MYPN: variants seen among roughly 807,000 people sequenced by gnomAD.
MYPN encodes myopalladin, also known as sarcomeric protein myopalladin, 145 kDa (MYOP).
A neutral mutation model predicts 129.4 loss-of-function variants in MYPN; 63 were observed. The observed-to-expected ratio is 0.49, with a 90% CI of 0.40 to 0.60. The LOEUF is 0.60. Ranked by LOEUF, MYPN falls within the 20% of genes least tolerant of loss-of-function variation. The pLI is 0.00. For missense variants in MYPN, 1,596 were observed against 1,635.4 expected (o/e 0.98, Z 0.42); for synonymous variants, 629 against 600.9 (o/e 1.05, Z -0.68).
At chr10:68,124,946 G>A (rs2042303016) in intron 2 of MYPN, among the ~76,000 whole-genome samples, 1 of 152,118 alleles carries the variant, frequency 6.6e-6, no homozygotes, top group Non-Finnish European at 1.5e-5. Flanking sequence ...GCAGCATCTG[G>A]TCAGTCTAAG....
chr10:68,196,729 C>A (rs1438629594), intron 15 of MYPN, among the ~76,000 whole-genome samples: 1 of 152,136 alleles, frequency 6.6e-6, no homozygotes, highest in East Asian at 1.9e-4. Context: ...AAGCAGTCAA[C>A]CTGCTTCAGC....
intron 17 of MYPN, among the ~76,000 whole-genome samples, chr10:68,199,895 G>T (rs2043681546): frequency 6.6e-6 from 1 of 152,070 alleles, no homozygotes; most frequent in African/African-American, 2.4e-5. Context: ...AACATACTAG[G>T]CTCTTTGTCC....
chr10:68,102,122 C>CT (rs35930233), upstream of MYPN, among the ~76,000 whole-genome samples: 8,723 of 108,408 alleles, frequency 0.08, 889 homozygotes, highest in African/African-American at 0.23. Context: ...TTTCTCTCTC[C>CT]TTTTTTTTTT....
At chr10:68,152,954 GTTATTTTATT>G (rs1182665350) in intron 6 of MYPN, among the ~76,000 whole-genome samples, 51 of 148,790 alleles carry the variant, frequency 3.4e-4, no homozygotes, top group African/African-American at 1.1e-3. Context: ...TTTATTTTAT[GTTATTTTATT>G]TTATTTTATT....
chr10:68,193,468 C>T (rs960599647), intron 13 of MYPN, among the ~76,000 whole-genome samples: 2 of 152,184 alleles, frequency 1.3e-5, no homozygotes, highest in Non-Finnish European at 2.9e-5. Context: ...TTAATATCCA[C>T]AGGGTACCTG....
At chr10:68,179,664 CT>C (rs1458684205) in intron 12 of MYPN, among the ~76,000 whole-genome samples, 1 of 151,962 alleles carries the variant, frequency 6.6e-6, no homozygotes, top group Admixed American at 6.5e-5. Flanking sequence ...AAGATGAAAA[CT>C]TTTTTATTTT....
At chr10:68,154,137 C>T (rs2042826763) in intron 6 of MYPN, among the ~76,000 whole-genome samples, 1 of 152,170 alleles carries the variant, frequency 6.6e-6, no homozygotes, top group African/African-American at 2.4e-5. Flanking sequence ...TTTAGATGCT[C>T]TTTAACTGTG....
intron 10 of MYPN, among the ~76,000 whole-genome samples, chr10:68,172,795 G>A (rs527876745): frequency 1.6e-4 from 25 of 152,262 alleles, no homozygotes; most frequent in African/African-American, 5.1e-4. Flanking sequence ...TGTCAGGGCC[G>A]GGCACGGTGG....
rs553756897 is a variant in MYPN, at chr10:68,139,162, AGAG to A, written c.903-3774_903-3772del. 6.3e-4 allele frequency among the ~76,000 whole-genome samples: 96 copies of A among 152,306 alleles called. 1 individual carries two copies. The Middle Eastern group carries it at 0.01, about 16-fold the overall frequency. On this transcript the variant is annotated intron_variant, in intron 2 of 19. Coordinates refer to ENST00000358913, the MANE Select transcript of MYPN (RefSeq NM_032578.4). ...CCGGGACATTCACTAACGGCTCAGAAGAGGAGAAGTGACCTAGTGGGGAGATCT... is the reference window on the plus strand; with the variant it reads ...CCGGGACATTCACTAACGGCTCAGAAGAGAAGTGACCTAGTGGGGAGATCT...
intron 12 of MYPN, among the ~76,000 whole-genome samples, chr10:68,182,452 CAT>C (rs200132334): frequency 0.055 from 6,405 of 116,182 alleles, 582 homozygotes; most frequent in Middle Eastern, 0.095. Context: ...ATATATATAA[CAT>C]ATATATATAA....
chr10:68,211,346 CT>C lies in MYPN; in HGVS notation c.*894del. The C allele has an allele frequency of 4.4e-6, 2 of 453,048 alleles. No individual in the cohort carries two copies. The highest frequency in any genetic ancestry group is 8.8e-6 in the Non-Finnish European group (2 of 226,546). The allele number at this position is 453,048 out of a possible 1,614,324, so 28.1% of individuals were successfully genotyped here. On this transcript the variant is annotated 3_prime_UTR_variant, in exon 20 of 20. Transcript: ENST00000358913. ...AAATACACCTCATGGGCTCCTACCCCTTTCCCCAAAAGTCTGAAAGTGTAGG... is the reference window on the plus strand; with the variant it reads ...AAATACACCTCATGGGCTCCTACCCCTTCCCCAAAAGTCTGAAAGTGTAGG...
intron 10 of MYPN, among the ~76,000 whole-genome samples, chr10:68,170,361 C>T (rs950321734): frequency 1.3e-5 from 2 of 152,058 alleles, no homozygotes; most frequent in Admixed American, 6.6e-5. Flanking sequence ...TATTCTTTGC[C>T]TTCCTTTTCT....
chr10:68,207,350 T>C (rs1351970437), intron 19 of MYPN, among the ~76,000 whole-genome samples: 1 of 152,216 alleles, frequency 6.6e-6, no homozygotes, highest in Non-Finnish European at 1.5e-5. Context: ...AGATAGATTT[T>C]AAAAGTCATC....
intron 4 of MYPN, among the ~76,000 whole-genome samples, chr10:68,146,324 C>A (rs1345201511): frequency 6.6e-6 from 1 of 152,124 alleles, no homozygotes; most frequent in Non-Finnish European, 1.5e-5. Context: ...CTAGCAAACT[C>A]TTATTTGTCC....
intron 19 of MYPN, among the ~76,000 whole-genome samples, chr10:68,208,767 C>G (rs922039016): frequency 3.3e-5 from 5 of 152,126 alleles, no homozygotes; most frequent in African/African-American, 1.2e-4. Flanking sequence ...AGGACTTGGG[C>G]TGGAATCGAT....
intron 12 of MYPN, among the ~76,000 whole-genome samples, chr10:68,182,371 A>C (rs538579022): frequency 6.9e-5 from 7 of 101,854 alleles, no homozygotes; most frequent in African/African-American, 2.2e-4. Flanking sequence ...ACATATATAT[A>C]ACATATATAA....
intron 1 of MYPN, among the ~76,000 whole-genome samples, chr10:68,100,445 G>T (rs1383646354): frequency 3.3e-5 from 5 of 152,142 alleles, no homozygotes; most frequent in Non-Finnish European, 7.4e-5. Flanking sequence ...GCTTGAGTGG[G>T]ATCCCCAAAA....
chr10:68,111,542 A>G (rs1205698355), intron 1 of MYPN, among the ~76,000 whole-genome samples: 1 of 152,178 alleles, frequency 6.6e-6, no homozygotes, highest in Non-Finnish European at 1.5e-5. Context: ...GTGGTGCTTC[A>G]TGGTTGACCA....
intron 13 of MYPN, among the ~76,000 whole-genome samples, chr10:68,190,089 G>A (rs1262592308): frequency 6.6e-6 from 1 of 151,784 alleles, no homozygotes; most frequent in African/African-American, 2.4e-5. Context: ...TATTTCTTGG[G>A]GTTTGATTTG....
Sources: allele counts gnomAD v4.1 joint callset (sites outside exome capture counted in the v4.1 genomes callset), GRCh38; gene constraint gnomAD v4.1.1; transcripts MANE v1.5; gene names NCBI Gene and HGNC (gene_info 2026-07-23, HGNC 2026-07-21).